The following P3H2 variants were observed in gnomAD, a reference collection of about 807,000 sequenced individuals.
P3H2 encodes leprecan-like 1.
A neutral mutation model predicts 87.0 loss-of-function variants in P3H2; 80 were observed. That is an observed-to-expected ratio of 0.92 (90% confidence interval 0.77 to 1.11). The LOEUF is 1.11. P3H2 is among the 50% of genes least tolerant of loss of function. The pLI, the probability that P3H2 is intolerant of heterozygous loss-of-function variation, is 0.00. For synonymous variants in P3H2, 367 were observed against 359.3 expected, an observed-to-expected ratio of 1.02 and a Z score of -0.24; for missense variants, 1,001 against 923.9, an observed-to-expected ratio of 1.08 and a Z score of -1.08.
intron 4 of P3H2, among the ~76,000 whole-genome samples, chr3:189,988,168 TG>T (rs1472457662): frequency 6.6e-6 from 1 of 152,200 alleles, no homozygotes; most frequent in East Asian, 1.9e-4. Flanking sequence ...CCAGATGTTC[TG>T]GAGGAAGCCC....
At chr3:189,971,389 A>C (rs562505980) in intron 12 of P3H2, among the ~76,000 whole-genome samples, 1 of 152,230 alleles carries the variant, frequency 6.6e-6, no homozygotes, top group Non-Finnish European at 1.5e-5. Flanking sequence ...GGATGAACAC[A>C]TGGTGACTAT....
intron 14 of P3H2, among the ~76,000 whole-genome samples, chr3:189,961,902 T>C (rs1057004388): frequency 6.6e-5 from 10 of 152,192 alleles, no homozygotes; most frequent in Non-Finnish European, 1.3e-4. Flanking sequence ...AATGATGAAA[T>C]AGATTAAATG....
chr3:189,994,867 C>T (rs1353166618), intron 2 of P3H2, among the ~76,000 whole-genome samples: 1 of 151,892 alleles, frequency 6.6e-6, no homozygotes, highest in African/African-American at 2.4e-5. Flanking sequence ...AATGGGCAAA[C>T]CACTGGACTG....
chr3:190,110,403 G>A (rs906597646), intron 1 of P3H2, among the ~76,000 whole-genome samples: 57 of 152,182 alleles, frequency 3.7e-4, no homozygotes, highest in African/African-American at 1.2e-3. Flanking sequence ...TGAGAAACCC[G>A]GACTGAAATG....
chr3:189,993,657 T>C (rs1188811442), intron 3 of P3H2, among the ~76,000 whole-genome samples: 1 of 152,168 alleles, frequency 6.6e-6, no homozygotes, highest in Non-Finnish European at 1.5e-5. Flanking sequence ...TTTCAGCCTC[T>C]TAAACACTCA....
rs957341295 is a variant in P3H2, at chr3:189,957,583, G to C, written c.*329C>G. 4.9e-6 allele frequency: 2 copies of C among 409,684 alleles called. No individual in the cohort carries two copies. The highest frequency in any genetic ancestry group is 2.0e-5 in the African/African-American group (1 of 49,414). 25.4% of individuals were successfully genotyped at this position (409,684 alleles called of 1,614,324 possible). A position where few individuals can be genotyped will look rare whatever the true frequency, so the allele number is the denominator to read the frequency against. On this transcript the variant is annotated 3_prime_UTR_variant, in exon 15 of 15. Transcript: ENST00000319332. Reference sequence around the variant, plus strand: ...CACGTGCCTGTGGTCCCAGCTCCCCGGGAGGCTTGAAGGATCGCCTGAGCC... The same window carrying C: ...CACGTGCCTGTGGTCCCAGCTCCCCCGGAGGCTTGAAGGATCGCCTGAGCC...
rs1055439349 is a variant in P3H2 at position 189,963,834 on chromosome 3, A to C, written c.2034+124T>G. On this transcript the variant is annotated intron_variant, in intron 14 of 14. Coordinates refer to ENST00000319332, the MANE Select transcript of P3H2 (RefSeq NM_018192.4). ...TACAAACATCTTCACTTACTAGAAC[A>C]TATCTGATTAAGAACTGCCTTTACC... 9 of 907,036 alleles carry C rather than the reference A, an allele frequency of 9.9e-6. No individual in the cohort carries two copies. In the South Asian group the frequency reaches 1.2e-4, roughly 12 times the overall value. 56.2% of individuals were successfully genotyped at this position (907,036 alleles called of 1,614,324 possible). A position where few individuals can be genotyped will look rare whatever the true frequency, so the allele number is the denominator to read the frequency against.
At chr3:190,063,470 C>G (rs1726397585) in intron 1 of P3H2, among the ~76,000 whole-genome samples, 1 of 152,158 alleles carries the variant, frequency 6.6e-6, no homozygotes, top group Admixed American at 6.6e-5. Context: ...ACATCAGACA[C>G]CGCTTGCTAC....
chr3:189,992,269 T>C (rs187865570), intron 3 of P3H2, among the ~76,000 whole-genome samples: 42 of 152,204 alleles, frequency 2.8e-4, no homozygotes, highest in Middle Eastern at 3.4e-3. Context: ...TAATTTTTTA[T>C]ATTTTTAGTA....
intron 13 of P3H2, among the ~76,000 whole-genome samples, chr3:189,966,192 A>AAAGG (rs1363842307): frequency 6.7e-6 from 1 of 148,462 alleles, no homozygotes; most frequent in Non-Finnish European, 1.5e-5. Context: ...AGAAAGAAAG[A>AAAGG]AAAGCCTTCT....
At chr3:189,997,561 T>C (rs187309822) in intron 1 of P3H2, among the ~76,000 whole-genome samples, 422 of 152,324 alleles carry the variant, frequency 2.8e-3, no homozygotes, top group African/African-American at 9.5e-3. Context: ...TTGTGAAATA[T>C]AATCAACTCT....
intron 1 of P3H2, among the ~76,000 whole-genome samples, chr3:190,073,966 T>C (rs536871860): frequency 2.0e-4 from 30 of 152,208 alleles, no homozygotes; most frequent in Admixed American, 9.2e-4. Flanking sequence ...AAGGATCAGC[T>C]ATTGAAGCAC....
chr3:190,007,898 CCTT>C (rs1724436957), intron 1 of P3H2, among the ~76,000 whole-genome samples: 1 of 142,098 alleles, frequency 7.0e-6, no homozygotes, highest in Non-Finnish European at 1.5e-5. Context: ...CGGCCAAAAA[CCTT>C]CTAGTCTGCT....
chr3:189,994,333 C>CAAACA (rs777600555), intron 2 of P3H2, 50 bp from the exon 3 acceptor site: 19 of 1,465,500 alleles, frequency 1.3e-5, no homozygotes, highest in Non-Finnish European at 1.8e-5. Context: ...AACAAACAAA[C>CAAACA]AAAAAAACCC....
intron 1 of P3H2, among the ~76,000 whole-genome samples, chr3:190,110,480 T>C (rs1301203595): frequency 1.3e-5 from 2 of 152,198 alleles, no homozygotes; most frequent in Admixed American, 1.3e-4. Flanking sequence ...ATAGAAACAA[T>C]GATTGACTGT....
intron 1 of P3H2, among the ~76,000 whole-genome samples, chr3:190,068,972 C>CA (rs1445872945): frequency 6.6e-6 from 1 of 152,048 alleles, no homozygotes; most frequent in African/African-American, 2.4e-5. Context: ...GATACCATCC[C>CA]ATGTTTGGTA....
intron 1 of P3H2, among the ~76,000 whole-genome samples, chr3:189,997,011 C>T (rs1453598664): frequency 2.0e-5 from 3 of 152,116 alleles, no homozygotes; most frequent in African/African-American, 4.8e-5. Flanking sequence ...ATTAATTTAC[C>T]CATTTTAACA....
chr3:189,973,117 T>C (rs1723228633), intron 10 of P3H2, 93 bp from the exon 11 acceptor site: 1 of 1,146,514 alleles, frequency 8.7e-7, no homozygotes, highest in Admixed American at 2.1e-5. Flanking sequence ...AATATAGGAT[T>C]GTCATGTCTG....
intron 1 of P3H2, among the ~76,000 whole-genome samples, chr3:190,071,779 CTATGATTA>C: frequency 6.6e-6 from 1 of 151,904 alleles, no homozygotes; most frequent in East Asian, 1.9e-4. Context: ...TTGATCTCAG[CTATGATTA>C]TAGGTGATCA....
Sources: gnomAD v4.1 joint callset for allele counts (sites outside exome capture counted in the v4.1 genomes callset) on GRCh38, gnomAD v4.1.1 for gene constraint, MANE v1.5 for transcripts, NCBI Gene and HGNC (gene_info 2026-07-23, HGNC 2026-07-21) for gene names.